The following MTHFD1 variants were observed in gnomAD, a reference collection of about 807,000 sequenced individuals.
The protein encoded by MTHFD1 is C-1-tetrahydrofolate synthase, cytoplasmic.
Under a neutral mutation model 110.3 loss-of-function variants are expected in MTHFD1, and 44 were observed. The ratio of observed to expected loss-of-function variants is 0.40; its 90% CI spans 0.31 to 0.51. The LOEUF (loss-of-function observed/expected upper bound fraction) is 0.51, where lower values mean the gene tolerates loss of function less well. MTHFD1 is among the 20% of genes least tolerant of loss of function. MTHFD1 has a pLI of 0.60. For missense variants in MTHFD1, 909 were observed against 1,173.1 expected, an observed-to-expected ratio of 0.77 and a Z score of 3.29; for synonymous variants, 402 against 428.8, an observed-to-expected ratio of 0.94 and a Z score of 0.77.
At chr14:64,426,624 C>G (rs1057221062) in intron 11 of MTHFD1, among the ~76,000 whole-genome samples, 1 of 152,150 alleles carries the variant, frequency 6.6e-6, no homozygotes, top group Non-Finnish European at 1.5e-5. Context: ...GTGCAAGGCA[C>G]CACACCCAGC....
intron 22 of MTHFD1, among the ~76,000 whole-genome samples, chr14:64,446,621 A>C (rs2078290937): frequency 6.6e-6 from 1 of 150,534 alleles, no homozygotes; most frequent in Non-Finnish European, 1.5e-5. Context: ...GGCTCACTGC[A>C]AGCTCCGCCT....
intron 12 of MTHFD1, among the ~76,000 whole-genome samples, chr14:64,429,713 A>G (rs2078143931): frequency 6.6e-6 from 1 of 152,204 alleles, no homozygotes; most frequent in South Asian, 2.1e-4. Context: ...TAAATAAGGG[A>G]TACTCAACCT....
At chr14:64,445,015 G>A in intron 22 of MTHFD1, 2 of 462,748 alleles carry the variant, frequency 4.3e-6, no homozygotes. Flanking sequence ...ATTTGGCAAT[G>A]TCTAGAGACT....
intron 8 of MTHFD1, among the ~76,000 whole-genome samples, chr14:64,424,510 G>C (rs1006848943): frequency 6.6e-6 from 1 of 152,110 alleles, no homozygotes; most frequent in African/African-American, 2.4e-5. Context: ...TTATATACTG[G>C]GTAGTTGGTT....
chr14:64,454,508 C>G (rs2078431604), intron 25 of MTHFD1, among the ~76,000 whole-genome samples: 1 of 150,762 alleles, frequency 6.6e-6, no homozygotes, highest in South Asian at 2.1e-4. Context: ...CACTTGTGGA[C>G]TACAGTTGTG....
chr14:64,389,564 C>A (rs544319479), intron 1 of MTHFD1, among the ~76,000 whole-genome samples: 1 of 152,070 alleles, frequency 6.6e-6, no homozygotes, highest in Non-Finnish European at 1.5e-5. Flanking sequence ...AAAAAATTAG[C>A]CGAGTGTGGT....
intron 8 of MTHFD1, among the ~76,000 whole-genome samples, chr14:64,420,242 G>A (rs1278157210): frequency 6.6e-6 from 1 of 152,076 alleles, no homozygotes; most frequent in African/African-American, 2.4e-5. Context: ...CTTTATTTTA[G>A]CAAAGTTGAT....
chr14:64,409,248 A>T (rs960527229), intron 2 of MTHFD1, among the ~76,000 whole-genome samples: 1 of 152,254 alleles, frequency 6.6e-6, no homozygotes, highest in African/African-American at 2.4e-5. Context: ...AGGCAAGGCC[A>T]GTCAAGTGCA....
chr14:64,441,282 C>T lies in MTHFD1; in HGVS notation c.1816-103C>T, dbSNP rs2078244668. On this transcript the variant is annotated intron_variant, in intron 18 of 27. Transcript: ENST00000652337. ...AATTCAGGTGAAAGTATCAATTGGTCCAAGATGGCTAACATGGGTAAGCCT... is the reference window on the plus strand; with the variant it reads ...AATTCAGGTGAAAGTATCAATTGGTTCAAGATGGCTAACATGGGTAAGCCT... The T allele has an allele frequency of 6.4e-6, 7 of 1,090,838 alleles. No individual in the cohort carries two copies. In the Admixed American group the frequency reaches 1.0e-4, roughly 16 times the overall value. 67.6% of individuals were successfully genotyped at this position (1,090,838 alleles called of 1,614,324 possible). A position where few individuals can be genotyped will look rare whatever the true frequency, so the allele number is the denominator to read the frequency against.
chr14:64,450,179 A>G (rs2078347683), intron 24 of MTHFD1, among the ~76,000 whole-genome samples: 2 of 152,254 alleles, frequency 1.3e-5, no homozygotes, highest in African/African-American at 4.8e-5. Context: ...ACCGTTGCTC[A>G]TATCCTAACT....
chr14:64,440,607 C>T (rs1298972703), intron 18 of MTHFD1: 1 of 363,028 alleles, frequency 2.8e-6, no homozygotes, highest in East Asian at 7.0e-5. Context: ...AGTTCAGCTA[C>T]ACTTTGATGG....
At chr14:64,413,305 T>A (rs988364325) in intron 4 of MTHFD1, among the ~76,000 whole-genome samples, 2 of 152,048 alleles carry the variant, frequency 1.3e-5, no homozygotes, top group Non-Finnish European at 2.9e-5. Context: ...TGAGCCAAGA[T>A]CGTACCATTG....
intron 15 of MTHFD1, among the ~76,000 whole-genome samples, chr14:64,432,128 T>C (rs1372062094): frequency 6.6e-6 from 1 of 152,214 alleles, no homozygotes; most frequent in Non-Finnish European, 1.5e-5. Flanking sequence ...CTTTATAACA[T>C]GAACAAGAGT....
At chr14:64,440,094 T>C (rs768783762) in intron 17 of MTHFD1, 32 bp from the exon 18 acceptor site, 15 of 1,603,864 alleles carry the variant, frequency 9.4e-6, no homozygotes, top group Non-Finnish European at 1.3e-5. Flanking sequence ...TAACACAAAG[T>C]TTTTGCTAGT....
intron 21 of MTHFD1, among the ~76,000 whole-genome samples, chr14:64,444,140 C>T (rs2078270876): frequency 6.6e-6 from 1 of 152,264 alleles, no homozygotes; most frequent in South Asian, 2.1e-4. Flanking sequence ...AGGCACCAGA[C>T]ACCTCCATCC....
chr14:64,459,968 A>C lies in MTHFD1; in HGVS notation c.*214A>C. 4.7e-6 allele frequency: 7 copies of C among 1,498,198 alleles called. No homozygotes were observed. Among genetic ancestry groups the C allele is most frequent in the Non-Finnish European group, 6.3e-6 (7 of 1,114,386 alleles). The allele number at this position is 1,498,198 out of a possible 1,614,324, so 92.8% of individuals were successfully genotyped here. ...TAAATCATGCATGTCTGTTTACTTT[A>C]GTGACGTTCCACAGAATAAAAGGAA... On this transcript the variant is annotated 3_prime_UTR_variant, in exon 28 of 28. Transcript: ENST00000652337.
rs567085583 is a variant in MTHFD1 at position 64,388,743 on chromosome 14, C to T, written c.41+275C>T. 118 of 577,678 alleles carry T rather than the reference C, an allele frequency of 2.0e-4. 1 individual carries two copies. Among genetic ancestry groups the T allele is most frequent in the African/African-American group, 1.9e-3 (104 of 53,570 alleles). The allele number at this position is 577,678 out of a possible 1,614,324, so 35.8% of individuals were successfully genotyped here. On this transcript the variant is annotated intron_variant, in intron 1 of 27. Transcript: ENST00000652337. ...CGCGCAGCTGCTGGTGACTTTCTGC[C>T]GGGAGAGTGGGTAGTTGCGGCTTCC...
intron 6 of MTHFD1, 81 bp downstream of exon 6, chr14:64,415,820 A>T (rs2078021745): frequency 1.0e-5 from 14 of 1,344,544 alleles, no homozygotes; most frequent in Non-Finnish European, 1.4e-5. Context: ...GAGGAGGTAC[A>T]TTGTGGGCCA....
At chr14:64,428,535 G>C (rs1243754774) in intron 12 of MTHFD1, among the ~76,000 whole-genome samples, 1 of 147,952 alleles carries the variant, frequency 6.8e-6, no homozygotes, top group Non-Finnish European at 1.5e-5. Flanking sequence ...TTGACACCGG[G>C]AACACCTTCA....
Sources: gnomAD v4.1 joint callset for allele counts (sites outside exome capture counted in the v4.1 genomes callset) on GRCh38, gnomAD v4.1.1 for gene constraint, MANE v1.5 for transcripts, NCBI Gene and HGNC (gene_info 2026-07-23, HGNC 2026-07-21) for gene names.